USH2A: variants seen among roughly 807,000 people sequenced by gnomAD.
USH2A encodes the protein usherin.
In USH2A, 443 loss-of-function variants were observed where a neutral mutation model predicts 538.9. That is an observed-to-expected ratio of 0.82 (90% CI 0.76 to 0.89). The LOEUF is 0.89. USH2A is among the 40% of genes least tolerant of loss of function. The probability of loss-of-function intolerance (pLI) is 0.00; values close to 1 mark genes in which losing one functional copy is unlikely to be tolerated. For synonymous variants in USH2A, 2,413 were observed against 2,273.5 expected, an observed-to-expected ratio of 1.06 and a Z score of -1.75; for missense variants, 6,633 against 6,324.8, an observed-to-expected ratio of 1.05 and a Z score of -1.65.
intron 21 of USH2A, among the ~76,000 whole-genome samples, chr1:216,142,737 T>C (rs1208800590): frequency 6.6e-6 from 1 of 152,214 alleles, no homozygotes; most frequent in African/African-American, 2.4e-5. Context: ...ATTAACCCTC[T>C]GCATTCAGAT....
chr1:216,402,274 AT>A (rs1442987044), intron 3 of USH2A, among the ~76,000 whole-genome samples: 1 of 152,150 alleles, frequency 6.6e-6, no homozygotes, highest in East Asian at 1.9e-4. Context: ...AAAATCTCCA[AT>A]TTATTTGAAA....
At chr1:215,725,428 A>G (rs1028613317) in intron 61 of USH2A, among the ~76,000 whole-genome samples, 1 of 152,220 alleles carries the variant, frequency 6.6e-6, no homozygotes, top group Non-Finnish European at 1.5e-5. Context: ...GTCAGATCAT[A>G]AAGAGTCATA....
At chr1:215,877,733 G>GTT (rs1664808506) in intron 43 of USH2A, 25 bp downstream of exon 43, 1 of 1,612,794 alleles carries the variant, frequency 6.2e-7, no homozygotes, top group African/African-American at 1.3e-5. Context: ...GCCAGCATTT[G>GTT]TTTTTATAGT....
chr1:216,049,420 C>A (rs192790930), intron 30 of USH2A, among the ~76,000 whole-genome samples: 1 of 152,242 alleles, frequency 6.6e-6, no homozygotes, highest in African/African-American at 2.4e-5. Flanking sequence ...ATAAGCAAGG[C>A]AGAGACTCCT....
At chr1:216,386,085 G>C (rs954238281) in intron 3 of USH2A, among the ~76,000 whole-genome samples, 1 of 152,122 alleles carries the variant, frequency 6.6e-6, no homozygotes, top group Non-Finnish European at 1.5e-5. Context: ...AACTGGTTTT[G>C]TCACTTCTAA....
intron 26 of USH2A, among the ~76,000 whole-genome samples, chr1:216,081,660 C>G (rs2031946448): frequency 6.6e-6 from 1 of 152,068 alleles, no homozygotes; most frequent in South Asian, 2.1e-4. Flanking sequence ...GGTGCAATCA[C>G]AGGTCACTGC....
chr1:215,633,128 TG>T (rs1224248704), intron 70 of USH2A, among the ~76,000 whole-genome samples: 1 of 152,112 alleles, frequency 6.6e-6, no homozygotes, highest in Non-Finnish European at 1.5e-5. Context: ...TTACATAGAA[TG>T]GGAGGTGACA....
In USH2A at chr1:215,844,372, C is replaced by T; in HGVS notation, c.9180G>A (p.Lys3060=). The change falls in exon 46 of 72, where the codon AAG becomes AAA. Residue 3060 remains lysine (K), a synonymous_variant. Coordinates refer to ENST00000307340, the MANE Select transcript of USH2A (RefSeq NM_206933.4). ...VTEYSIYVNN[K]LYKTGMNVPG... Reference sequence around the variant, plus strand: ...GCACATTCATTCCAGTCTTGTAGAGCTTATTATTTACATAGATAGAATACT... The same window carrying T: ...GCACATTCATTCCAGTCTTGTAGAGTTTATTATTTACATAGATAGAATACT... 6.2e-7 allele frequency: 1 copy of T among 1,613,782 alleles called. No homozygotes were observed. The highest frequency in any genetic ancestry group is 8.5e-7 in the Non-Finnish European group (1 of 1,179,862).
At chr1:216,102,705 C>T (rs1300347564) in intron 21 of USH2A, among the ~76,000 whole-genome samples, 1 of 152,080 alleles carries the variant, frequency 6.6e-6, no homozygotes, top group Non-Finnish European at 1.5e-5. Flanking sequence ...GAGGCTGAGC[C>T]AGGAGAATGG....
intron 3 of USH2A, among the ~76,000 whole-genome samples, chr1:216,415,817 C>T (rs181237866): frequency 1.1e-4 from 16 of 152,104 alleles, no homozygotes; most frequent in African/African-American, 3.1e-4. Context: ...TGAACCACTG[C>T]GCCTGGCCTC....
intron 61 of USH2A, among the ~76,000 whole-genome samples, chr1:215,681,287 T>C (rs1486272069): frequency 2.6e-5 from 4 of 151,884 alleles, no homozygotes; most frequent in Non-Finnish European, 1.5e-5. Flanking sequence ...GAATTATGTA[T>C]GCAAGTGGGG....
chr1:216,380,786 T>G (rs2038910674), intron 3 of USH2A, among the ~76,000 whole-genome samples: 1 of 152,188 alleles, frequency 6.6e-6, no homozygotes, highest in African/African-American at 2.4e-5. Flanking sequence ...AAGTTGTAAA[T>G]GTCCACCCAT....
intron 21 of USH2A, among the ~76,000 whole-genome samples, chr1:216,162,961 T>A (rs1414433773): frequency 6.6e-6 from 1 of 152,056 alleles, no homozygotes; most frequent in African/African-American, 2.4e-5. Flanking sequence ...TCTGGGAACC[T>A]ACCCTCCAAA....
intron 3 of USH2A, among the ~76,000 whole-genome samples, chr1:216,385,360 A>G (rs2038988075): frequency 6.6e-6 from 1 of 152,210 alleles, no homozygotes; most frequent in South Asian, 2.1e-4. Context: ...GAAAGTCTAA[A>G]GAATGTGACA....
intron 37 of USH2A, among the ~76,000 whole-genome samples, chr1:215,964,630 G>A (rs143848595): frequency 3.3e-5 from 5 of 152,242 alleles, no homozygotes; most frequent in East Asian, 1.9e-4. Context: ...TACAAAAATA[G>A]TAAGGCCACT....
chr1:216,070,881 G>T (rs1308812951), intron 29 of USH2A, among the ~76,000 whole-genome samples: 1 of 151,516 alleles, frequency 6.6e-6, no homozygotes, highest in African/African-American at 2.4e-5. Flanking sequence ...TAAAGGAGCT[G>T]GTGCCTTTGA....
In USH2A at chr1:215,675,453, G is replaced by T; in HGVS notation, c.12458C>A (p.Ala4153Asp). 6.2e-7 allele frequency: 1 copy of T among 1,614,024 alleles called. No homozygotes were observed. The highest frequency in any genetic ancestry group is 1.3e-5 in the African/African-American group (1 of 75,030). Reference sequence around the variant, plus strand: ...AGGAGCCAGCTGAGAGTCTGGAGGGGCTTCATCTGTCCACAGAGGCTGAGG... The same window carrying T: ...AGGAGCCAGCTGAGAGTCTGGAGGGTCTTCATCTGTCCACAGAGGCTGAGG... ...SAPQPLWTDE[A>D]PPDSQLAPTV... is the part of the protein sequence containing the mutation. Residue 4153 changes from alanine to aspartate, a missense_variant, in exon 63 of 72, where the codon GCC becomes GAC. Ala to Asp is a moderately radical substitution (Grantham distance 126). Coordinates refer to ENST00000307340, the MANE Select transcript of USH2A (RefSeq NM_206933.4).
chr1:216,369,538 AAC>A (rs2102714986), intron 3 of USH2A, among the ~76,000 whole-genome samples: 1 of 152,268 alleles, frequency 6.6e-6, no homozygotes, highest in Non-Finnish European at 1.5e-5. Context: ...TATTTTTCAA[AAC>A]ACACATCTCA....
intron 15 of USH2A, among the ~76,000 whole-genome samples, chr1:216,211,450 G>A (rs2035239387): frequency 6.6e-6 from 1 of 152,184 alleles, no homozygotes; most frequent in South Asian, 2.1e-4. Flanking sequence ...GTTGATGGTG[G>A]TGTGAGAACA....
Sources: gnomAD v4.1 joint callset for allele counts (sites outside exome capture counted in the v4.1 genomes callset) on GRCh38, gnomAD v4.1.1 for gene constraint, MANE v1.5 for transcripts, NCBI Gene and HGNC (gene_info 2026-07-23, HGNC 2026-07-21) for gene names.